Variants in TRAPPC10 observed in about 807,000 individuals in gnomAD.
TRAPPC10 encodes the protein trafficking protein particle complex subunit 10.
A neutral mutation model predicts 125.5 loss-of-function variants in TRAPPC10; 23 were observed. The observed-to-expected ratio is 0.18, with a 90% CI of 0.13 to 0.26. The LOEUF (loss-of-function observed/expected upper bound fraction) is 0.26. Ranked by LOEUF, TRAPPC10 falls within the 10% of genes least tolerant of loss-of-function variation. TRAPPC10 has a pLI of 1.00. For synonymous variants in TRAPPC10, 509 were observed against 518.0 expected, an observed-to-expected ratio of 0.98 and a Z score of 0.24; for missense variants, 1,123 against 1,308.4, an observed-to-expected ratio of 0.86 and a Z score of 2.19.
intron 17 of TRAPPC10, chr21:44,088,278 G>A (rs538774112): frequency 2.6e-5 from 7 of 272,872 alleles, no homozygotes; most frequent in South Asian, 1.6e-4. Flanking sequence ...TGTGTGCCTC[G>A]GTGTCTGTCC....
At chr21:44,038,601 T>C (rs2034170163) in intron 3 of TRAPPC10, among the ~76,000 whole-genome samples, 1 of 152,178 alleles carries the variant, frequency 6.6e-6, no homozygotes, top group Non-Finnish European at 1.5e-5. Flanking sequence ...AAGAACCTTT[T>C]CGTTCTTGAC....
At chr21:44,083,410 C>G (rs1028869894) in intron 14 of TRAPPC10, 108 bp downstream of exon 14, 6 of 1,264,182 alleles carry the variant, frequency 4.7e-6, no homozygotes, top group Non-Finnish European at 6.5e-6. Context: ...CCTTTGTTCT[C>G]CTAACCCTGT....
At chr21:44,067,561 C>T (rs564559053) in intron 7 of TRAPPC10, among the ~76,000 whole-genome samples, 9 of 152,292 alleles carry the variant, frequency 5.9e-5, no homozygotes, top group Admixed American at 5.2e-4. Flanking sequence ...ATTCAAGAAA[C>T]GTTTCCTTGC....
intron 7 of TRAPPC10, among the ~76,000 whole-genome samples, chr21:44,068,124 A>C (rs1369142384): frequency 6.6e-6 from 1 of 152,132 alleles, no homozygotes; most frequent in Non-Finnish European, 1.5e-5. Flanking sequence ...GTCTCAAAAA[A>C]AAAAAAAAAA....
At chr21:44,094,021 T>A in intron 19 of TRAPPC10, 42 bp from the exon 20 acceptor site, 2 of 1,590,206 alleles carry the variant, frequency 1.3e-6, no homozygotes, top group Non-Finnish European at 1.7e-6. Context: ...CTCTTTGCGG[T>A]TATGGTGCTG....
chr21:44,013,712 C>T (rs779168986), intron 1 of TRAPPC10, among the ~76,000 whole-genome samples: 1 of 152,190 alleles, frequency 6.6e-6, no homozygotes, highest in Non-Finnish European at 1.5e-5. Flanking sequence ...TTTGTCTCTT[C>T]TCCTCTCCTC....
At chr21:44,037,464 C>A (rs148747899) in intron 2 of TRAPPC10, among the ~76,000 whole-genome samples, 1 of 152,144 alleles carries the variant, frequency 6.6e-6, no homozygotes, top group Admixed American at 6.6e-5. Flanking sequence ...TTTATGGTGA[C>A]ATAATTATAG....
At chr21:44,071,871 G>A (rs953383236) in intron 7 of TRAPPC10, among the ~76,000 whole-genome samples, 6 of 152,144 alleles carry the variant, frequency 3.9e-5, no homozygotes, top group Admixed American at 1.3e-4. Context: ...AGGGGTGGCC[G>A]AGCTCACCTT....
intron 2 of TRAPPC10, among the ~76,000 whole-genome samples, chr21:44,034,888 T>G (rs930742494): frequency 6.6e-6 from 1 of 152,192 alleles, no homozygotes; most frequent in African/African-American, 2.4e-5. Context: ...CAGCAGAAGC[T>G]GGGAGAGAAG....
chr21:44,077,613 G>T, intron 10 of TRAPPC10, 80 bp from the exon 11 acceptor site: 1 of 1,111,634 alleles, frequency 9.0e-7, no homozygotes, highest in Non-Finnish European at 1.3e-6. Flanking sequence ...TGTCTTTTGT[G>T]TGAGCTTTAG....
intron 1 of TRAPPC10, among the ~76,000 whole-genome samples, chr21:44,022,276 ATTTTTTTTT>A (rs58767563): frequency 0.36 from 30,185 of 84,176 alleles, 4,685 homozygotes; most frequent in African/African-American, 0.56. Context: ...GCCTGGCTAA[ATTTTTTTTT>A]TTTTTTTTTT....
intron 1 of TRAPPC10, among the ~76,000 whole-genome samples, chr21:44,016,785 A>G (rs2031895864): frequency 6.6e-6 from 1 of 152,014 alleles, no homozygotes; most frequent in Admixed American, 6.5e-5. Context: ...CAGCCTTCCG[A>G]GTAGCTGGGA....
Position 44,087,399 on chromosome 21 carries a change from G to A in TRAPPC10, c.2540-300G>A, listed in dbSNP as rs113472766. Among the ~76,000 whole-genome samples the A allele has an allele frequency of 7.2e-5, 11 of 152,164 alleles. No individual in the cohort carries two copies. The highest frequency in any genetic ancestry group is 2.4e-4 in the African/African-American group (10 of 41,448). ...TCCCCTGGGGTGGGGGTGGATCTGC[G>A]GATGAGCTGGAACGGGAGAAAGTCA... On this transcript the variant is annotated intron_variant, in intron 16 of 22. Transcript: ENST00000291574. The surrounding 1 kb of genome is among the most constrained non-coding windows in gnomAD (Gnocchi z 4.6).
rs1043081804 is a variant in TRAPPC10 at position 44,088,137 on chromosome 21, C to G, written c.2769+209C>G. On this transcript the variant is annotated intron_variant, in intron 17 of 22. Transcript: ENST00000291574. Reference sequence around the variant, plus strand: ...TTGCAAGGGCAGAGACAAGCCAGCTCTACCTTTCCCTCTCAGTTCCAGGGG... The same window carrying G: ...TTGCAAGGGCAGAGACAAGCCAGCTGTACCTTTCCCTCTCAGTTCCAGGGG... 5.1e-6 allele frequency: 3 copies of G among 583,130 alleles called. No homozygotes were observed. In the Admixed American group the frequency reaches 9.0e-5, roughly 18 times the overall value. The allele number at this position is 583,130 out of a possible 1,614,324, so 36.1% of individuals were successfully genotyped here. A position where few individuals can be genotyped will look rare whatever the true frequency, so the allele number is the denominator to read the frequency against.
intron 7 of TRAPPC10, among the ~76,000 whole-genome samples, chr21:44,072,055 T>C (rs778993845): frequency 2.6e-4 from 40 of 152,248 alleles, no homozygotes; most frequent in Admixed American, 4.6e-4. Flanking sequence ...AAGCTGCCGC[T>C]ACCTGATGCT....
At chr21:44,032,384 T>C (rs958448879) in intron 2 of TRAPPC10, among the ~76,000 whole-genome samples, 136 of 145,698 alleles carry the variant, frequency 9.3e-4, no homozygotes, top group Non-Finnish European at 1.6e-3. Context: ...GTTTTCTTTT[T>C]TTTTTTTTTT....
Position 44,091,008 on chromosome 21 carries a change from T to C in TRAPPC10, c.2871-915T>C, listed in dbSNP as rs145312368. Among the ~76,000 whole-genome samples the C allele has an allele frequency of 5.0e-3, 761 of 151,824 alleles. 4 individuals are homozygous for C. The highest frequency in any genetic ancestry group is 0.018 in the African/African-American group (734 of 41,384). ...GAGTTCAAGACCAGCCTGACCAACA[T>C]AGTGAAACCCCGTCTCTACTAAAAA... is the stretch of plus-strand genomic sequence containing the variant. On this transcript the variant is annotated intron_variant, in intron 18 of 22. Coordinates refer to ENST00000291574, the MANE Select transcript of TRAPPC10 (RefSeq NM_003274.5).
intron 9 of TRAPPC10, 123 bp downstream of exon 9, chr21:44,075,276 T>C (rs1293122519): frequency 1.5e-6 from 1 of 669,060 alleles, no homozygotes; most frequent in African/African-American, 1.8e-5. Context: ...TGGAAAATTA[T>C]ACCCATTGTT....
At position 44,082,814 on chromosome 21, in the gene TRAPPC10, T is replaced by A. The variant is rs932768262; in HGVS notation, c.1750T>A (p.Ser584Thr). The change falls in exon 14 of 23, where the codon TCC becomes ACC. Residue 584 changes from serine to threonine, a missense_variant. Transcript: ENST00000291574. This position sits in a 1 kb window ranked among gnomAD's most constrained non-coding sequence, Gnocchi z 4.4. ...PGHKIVLPMH[S>T]FAQLRDLHFD... Reference sequence around the variant, plus strand: ...TCATAAGATAGTGCTACCCATGCATTCCTTTGCACAACTGCGAGATCTCCA... The same window carrying A: ...TCATAAGATAGTGCTACCCATGCATACCTTTGCACAACTGCGAGATCTCCA... 4.3e-6 allele frequency: 7 copies of A among 1,614,052 alleles called. No individual in the cohort carries two copies. The highest frequency in any genetic ancestry group is 5.9e-6 in the Non-Finnish European group (7 of 1,180,012).
Sources: allele counts gnomAD v4.1 joint callset (sites outside exome capture counted in the v4.1 genomes callset), GRCh38; gene constraint gnomAD v4.1.1; non-coding constraint Gnocchi (gnomAD v3.1); transcripts MANE v1.5; gene names NCBI Gene and HGNC (gene_info 2026-07-23, HGNC 2026-07-21).